The following DLGAP2 variants were observed in gnomAD, a reference collection of about 807,000 sequenced individuals.
DLGAP2 encodes the protein disks large-associated protein 2.
Under a neutral mutation model 100.3 loss-of-function variants are expected in DLGAP2, and 26 were observed. That is an observed-to-expected ratio of 0.26 (90% CI 0.19 to 0.36). The LOEUF is 0.36. DLGAP2 is among the 10% of genes least tolerant of loss of function. The pLI, the probability that DLGAP2 is intolerant of heterozygous loss-of-function variation, is 1.00. For missense variants in DLGAP2, 1,858 were observed against 1,453.2 expected (o/e 1.28, Z -4.53); for synonymous variants, 886 against 630.1 (o/e 1.41, Z -6.08).
At chr8:1,378,532 C>T (rs60036958) in intron 3 of DLGAP2, among the ~76,000 whole-genome samples, 13,187 of 150,934 alleles carry the variant, frequency 0.087, 874 homozygotes, top group East Asian at 0.25. Flanking sequence ...CTCACCTGTC[C>T]CTGACACACA....
At chr8:1,679,817 G>T (rs903977961) in intron 12 of DLGAP2, among the ~76,000 whole-genome samples, 1 of 151,906 alleles carries the variant, frequency 6.6e-6, no homozygotes, top group Non-Finnish European at 1.5e-5. Flanking sequence ...CCCCATATCT[G>T]CCAAAAATTC....
At chr8:758,392 T>C (rs970613797) in intron 1 of DLGAP2, among the ~76,000 whole-genome samples, 16 of 152,090 alleles carry the variant, frequency 1.1e-4, no homozygotes, top group African/African-American at 3.6e-4. Context: ...TAAAAATGAT[T>C]TAATATTTAT....
chr8:1,076,001 G>C (rs991490142), intron 2 of DLGAP2, among the ~76,000 whole-genome samples: 2 of 152,186 alleles, frequency 1.3e-5, no homozygotes, highest in African/African-American at 4.8e-5. Context: ...TTTCCAGAGA[G>C]AGCAATTGGA....
At chr8:1,622,639 TGACAATCTAAG>T (rs1409852760) in intron 6 of DLGAP2, among the ~76,000 whole-genome samples, 1 of 152,172 alleles carries the variant, frequency 6.6e-6, no homozygotes, top group Non-Finnish European at 1.5e-5. Flanking sequence ...TGTTTGTGGA[TGACAATCTAAG>T]GGGAGCAACA....
intron 2 of DLGAP2, among the ~76,000 whole-genome samples, chr8:1,252,180 G>A (rs927959655): frequency 6.6e-5 from 10 of 151,150 alleles, no homozygotes; most frequent in Non-Finnish European, 8.8e-5. Context: ...CCTGGGTCAC[G>A]GTGTCACAGT....
intron 8 of DLGAP2, among the ~76,000 whole-genome samples, chr8:1,641,540 C>T (rs1797898873): frequency 6.6e-6 from 1 of 152,142 alleles, no homozygotes; most frequent in Non-Finnish European, 1.5e-5. Flanking sequence ...CCACGGGTTC[C>T]TGACTCATAG....
chr8:1,372,618 G>T (rs1802269156), intron 3 of DLGAP2, among the ~76,000 whole-genome samples: 1 of 152,190 alleles, frequency 6.6e-6, no homozygotes, highest in African/African-American at 2.4e-5. Context: ...AAGACTTTAA[G>T]CCGCTCTCCA....
chr8:1,156,702 C>T (rs1796798679), intron 2 of DLGAP2, among the ~76,000 whole-genome samples: 1 of 151,964 alleles, frequency 6.6e-6, no homozygotes, highest in African/African-American at 2.4e-5. Flanking sequence ...GCTCAGCAAC[C>T]CGGCTCAGCG....
intron 1 of DLGAP2, among the ~76,000 whole-genome samples, chr8:864,371 A>G (rs1008049435): frequency 3.9e-5 from 6 of 152,164 alleles, no homozygotes; most frequent in African/African-American, 1.4e-4. Flanking sequence ...AAAGTAGGAG[A>G]TGATGGAAAC....
chr8:1,453,604 T>C (rs1160477344), intron 3 of DLGAP2, among the ~76,000 whole-genome samples: 1 of 152,164 alleles, frequency 6.6e-6, no homozygotes, highest in Non-Finnish European at 1.5e-5. Flanking sequence ...AGAACGTCTC[T>C]TGGGGTCCCT....
intron 1 of DLGAP2, among the ~76,000 whole-genome samples, chr8:863,398 CTG>C (rs1321381092): frequency 1.3e-5 from 2 of 152,202 alleles, no homozygotes; most frequent in Non-Finnish European, 2.9e-5. Context: ...CTTAGACTCA[CTG>C]TGAAGAATAA....
rs148245305 is a variant in DLGAP2, at chr8:1,578,148, C to G, written c.1442+12254C>G. Among the ~76,000 whole-genome samples, 7 of 152,322 alleles carry G rather than the reference C, an allele frequency of 4.6e-5. No individual in the cohort carries two copies. In the East Asian group the frequency reaches 1.3e-3, roughly 29 times the overall value. ...GCACAAAAGAGCTTCCCAGCAGGAG[C>G]TGACTGACAAAATCTTTTACGTTTC... On this transcript the variant is annotated intron_variant, in intron 6 of 14. Coordinates refer to ENST00000637795, the MANE Select transcript of DLGAP2 (RefSeq NM_001346810.2).
intron 2 of DLGAP2, among the ~76,000 whole-genome samples, chr8:1,144,779 C>G (rs1194240802): frequency 7.2e-6 from 1 of 139,818 alleles, no homozygotes; most frequent in African/African-American, 2.5e-5. Flanking sequence ...ACGGCCTGTA[C>G]CCACAGTCAA....
chr8:1,278,126 G>A (rs900232993), intron 3 of DLGAP2, among the ~76,000 whole-genome samples: 1 of 152,158 alleles, frequency 6.6e-6, no homozygotes, highest in African/African-American at 2.4e-5. Flanking sequence ...GTCAGGTGAG[G>A]GAGTGGCATC....
At chr8:822,266 C>T (rs953632324) in intron 1 of DLGAP2, 9 of 399,308 alleles carry the variant, frequency 2.3e-5, no homozygotes, top group Middle Eastern at 6.2e-4. Context: ...TGCTTACTTC[C>T]TGCTGTGATG....
chr8:1,693,006 CAT>C (rs1464187172), intron 13 of DLGAP2, among the ~76,000 whole-genome samples: 23 of 147,664 alleles, frequency 1.6e-4, no homozygotes, highest in African/African-American at 5.2e-4. Context: ...AGATTATAAT[CAT>C]ATGCATCTAT....
At chr8:1,697,099 G>A (rs1248737932) in intron 13 of DLGAP2, 48 bp from the exon 14 acceptor site, 2 of 1,475,230 alleles carry the variant, frequency 1.4e-6, no homozygotes, top group Non-Finnish European at 1.8e-6. Context: ...CCAGCCCTGT[G>A]CCCGCAGGAG....
At chr8:792,090 A>G (rs528639600) in intron 1 of DLGAP2, among the ~76,000 whole-genome samples, 3 of 152,198 alleles carry the variant, frequency 2.0e-5, no homozygotes, top group Admixed American at 6.5e-5. Context: ...CATGTTTTCT[A>G]CTTTGATGAA....
chr8:1,067,949 C>G (rs1446213803), intron 2 of DLGAP2, among the ~76,000 whole-genome samples: 1 of 152,114 alleles, frequency 6.6e-6, no homozygotes, highest in African/African-American at 2.4e-5. Flanking sequence ...CCCCTCTGCT[C>G]CGCCCACTCC....
Sources: allele counts gnomAD v4.1 joint callset (sites outside exome capture counted in the v4.1 genomes callset), GRCh38; gene constraint gnomAD v4.1.1; transcripts MANE v1.5; gene names NCBI Gene and HGNC (gene_info 2026-07-23, HGNC 2026-07-21).